PLA2G4C: variants seen among roughly 807,000 people sequenced by gnomAD.
PLA2G4C encodes the protein phospholipase A2 group IVC.
In PLA2G4C, 64 loss-of-function variants were observed where a neutral mutation model predicts 73.8. That is an observed-to-expected ratio of 0.87 (90% CI 0.71 to 1.07). The LOEUF (loss-of-function observed/expected upper bound fraction) is 1.07. Ranked by LOEUF, PLA2G4C falls within the 50% of genes least tolerant of loss-of-function variation. The pLI, the probability that PLA2G4C is intolerant of heterozygous loss-of-function variation, is 0.00. For synonymous variants in PLA2G4C, 254 were observed against 252.1 expected (o/e 1.01, Z -0.07); for missense variants, 622 against 665.4 (o/e 0.93, Z 0.72).
chr19:48,087,936 CAAAAA>C (rs75679224), intron 9 of PLA2G4C, among the ~76,000 whole-genome samples: 1 of 123,790 alleles, frequency 8.1e-6, no homozygotes, highest in Admixed American at 8.8e-5. Context: ...AACTCTGTCT[CAAAAA>C]AAAAAAAAAA....
At chr19:48,058,001 CAAA>C (rs5828331) in intron 14 of PLA2G4C, among the ~76,000 whole-genome samples, 1 of 149,308 alleles carries the variant, frequency 6.7e-6, no homozygotes, top group African/African-American at 2.4e-5. Context: ...CCCAGCTAAT[CAAA>C]AAAAATTTTT....
Position 48,051,316 on chromosome 19 carries a change from G to C in PLA2G4C, c.1580+1681C>G, listed in dbSNP as rs183730699. Among the ~76,000 whole-genome samples, 277 of 152,300 alleles carry C rather than the reference G, an allele frequency of 1.8e-3. 3 individuals carry two copies. Among genetic ancestry groups the C allele is most frequent in the South Asian group, 7.7e-3 (37 of 4,828 alleles). On this transcript the variant is annotated intron_variant, in intron 16 of 16. Coordinates refer to ENST00000599921, the MANE Select transcript of PLA2G4C (RefSeq NM_003706.3). The stretch of plus-strand genomic sequence containing the variant: ...ATTTCTGACTTCTAGAACTGTATGA[G>C]TCCATTCTCACACTGCGATAAAGAC...
chr19:48,057,471 C>CTTTTTTTTTTT (rs1568422832), intron 14 of PLA2G4C, among the ~76,000 whole-genome samples: 1 of 16,168 alleles, frequency 6.2e-5, no homozygotes, highest in Non-Finnish European at 1.1e-4. Flanking sequence ...TCTTCTTCTT[C>CTTTTTTTTTTT]TTCTTCTTCT....
At chr19:48,108,497 A>T (rs946072280) in intron 1 of PLA2G4C, among the ~76,000 whole-genome samples, 1 of 152,196 alleles carries the variant, frequency 6.6e-6, no homozygotes, top group African/African-American at 2.4e-5. Context: ...TGGGGAAGTT[A>T]TAAATCATGC....
intron 9 of PLA2G4C, among the ~76,000 whole-genome samples, chr19:48,085,848 C>T (rs1340827653): frequency 2.6e-5 from 4 of 152,134 alleles, no homozygotes; most frequent in Non-Finnish European, 5.9e-5. Context: ...AGGCCTTAAC[C>T]CTATTCAGTG....
intron 6 of PLA2G4C, 152 bp from the exon 7 acceptor site, chr19:48,095,756 T>A: frequency 1.3e-6 from 1 of 797,618 alleles, no homozygotes; most frequent in Non-Finnish European, 2.1e-6. Flanking sequence ...ACTGGGGATC[T>A]CATCCTCAGA....
At chr19:48,061,288 A>G (rs919330) in intron 14 of PLA2G4C, 128,196 of 150,462 alleles carry the variant, frequency 0.85, 54,803 homozygotes, top group African/African-American at 0.93. Context: ...GGGGAGGGGA[A>G]GGGAGGGGAG....
At chr19:48,096,527 G>C (rs904586771) in intron 6 of PLA2G4C, among the ~76,000 whole-genome samples, 5 of 152,116 alleles carry the variant, frequency 3.3e-5, no homozygotes, top group African/African-American at 7.2e-5. Flanking sequence ...AGGTTGCAGT[G>C]AGCCGAGATC....
chr19:48,109,704 C>T (rs944646864), intron 1 of PLA2G4C, among the ~76,000 whole-genome samples: 10 of 152,014 alleles, frequency 6.6e-5, no homozygotes, highest in Admixed American at 3.3e-4. Context: ...GGCTGGAGTG[C>T]AGTGGCGCAG....
chr19:48,090,219 A>G (rs2031218846), intron 8 of PLA2G4C, 145 bp downstream of exon 8: 1 of 679,256 alleles, frequency 1.5e-6, no homozygotes, highest in Non-Finnish European at 2.6e-6. Flanking sequence ...TGGCTGCCCA[A>G]TTATATGAGA....
intron 8 of PLA2G4C, among the ~76,000 whole-genome samples, chr19:48,088,969 C>A (rs1485682217): frequency 6.6e-6 from 1 of 152,184 alleles, no homozygotes; most frequent in African/African-American, 2.4e-5. Flanking sequence ...CACTACATAT[C>A]AGGAATTTTG....
At chr19:48,084,983 A>G in intron 10 of PLA2G4C, 76 bp downstream of exon 10, 1 of 1,045,070 alleles carries the variant, frequency 9.6e-7, no homozygotes, top group Non-Finnish European at 1.5e-6. Flanking sequence ...TTTCTGCCAC[A>G]TGCAGGAAAA....
intron 14 of PLA2G4C, among the ~76,000 whole-genome samples, chr19:48,056,605 G>C (rs1967951311): frequency 6.6e-6 from 1 of 151,558 alleles, no homozygotes; most frequent in Non-Finnish European, 1.5e-5. Context: ...GGCTGAGGTG[G>C]GTGGATCACG....
chr19:48,087,939 A>C (rs1360277967), intron 9 of PLA2G4C, among the ~76,000 whole-genome samples: 1 of 147,428 alleles, frequency 6.8e-6, no homozygotes, highest in Non-Finnish European at 1.5e-5. Flanking sequence ...TCTGTCTCAA[A>C]AAAAAAAAAA....
Position 48,099,852 on chromosome 19 carries a change from G to C in PLA2G4C, c.266C>G (p.Ser89Cys). Residue 89 changes from serine (S) to cysteine (C), a missense_variant, in exon 5 of 17, where the codon TCT becomes TGT. Transcript: ENST00000599921. ...AGVSGSTWAI[S>C]SLYTNDGDME... is the part of the protein sequence containing the mutation. Reference sequence around the variant, plus strand: ...GTCACCATCATTGGTGTAGAGAGAAGATATTGCCCTGGAGGACAGAGGAAG... The same window carrying C: ...GTCACCATCATTGGTGTAGAGAGAACATATTGCCCTGGAGGACAGAGGAAG... 3 of 1,611,510 alleles carry C rather than the reference G, an allele frequency of 1.9e-6. No individual in the cohort carries two copies. The highest frequency in any genetic ancestry group is 2.5e-6 in the Non-Finnish European group (3 of 1,178,018).
At chr19:48,078,329 T>C (rs1039418098) in intron 10 of PLA2G4C, among the ~76,000 whole-genome samples, 28 of 152,138 alleles carry the variant, frequency 1.8e-4, no homozygotes, top group African/African-American at 6.5e-4. Context: ...CCCACTCTTA[T>C]CACTTGTATT....
At position 48,110,682 on chromosome 19, in the gene PLA2G4C, T is replaced by G; in HGVS notation, c.-228A>C. On this transcript the variant is annotated 5_prime_UTR_variant, in exon 1 of 17. Transcript: ENST00000599921. Reference sequence around the variant, plus strand: ...TCCTCCTGCTTTCCTTTTCCCCCTGTGGGAGGAGGTCGCGGGCTGGAGGTG... The same window carrying G: ...TCCTCCTGCTTTCCTTTTCCCCCTGGGGGAGGAGGTCGCGGGCTGGAGGTG... 2.0e-6 allele frequency: 1 copy of G among 496,746 alleles called. No homozygotes were observed. The highest frequency in any genetic ancestry group is 3.3e-6 in the Non-Finnish European group (1 of 299,484). The allele number at this position is 496,746 out of a possible 1,614,324, so 30.8% of individuals were successfully genotyped here.
rs145127438 is a variant in PLA2G4C at position 48,058,796 on chromosome 19, C to T, written c.1257+3202G>A. Among the ~76,000 whole-genome samples the T allele has an allele frequency of 3.2e-3, 470 of 147,828 alleles. 4 individuals carry two copies. Among genetic ancestry groups the T allele is most frequent in the African/African-American group, 0.011 (441 of 40,044 alleles). On this transcript the variant is annotated intron_variant, in intron 14 of 16. Coordinates refer to ENST00000599921, the MANE Select transcript of PLA2G4C (RefSeq NM_003706.3). Reference sequence around the variant, plus strand: ...TCGCACCACAGCACACCAGCCTGGGCGACACAGAAGACTCCATCTCAAAAA... The same window carrying T: ...TCGCACCACAGCACACCAGCCTGGGTGACACAGAAGACTCCATCTCAAAAA...
chr19:48,098,081 T>C, intron 6 of PLA2G4C, 58 bp downstream of exon 6: 1 of 1,571,296 alleles, frequency 6.4e-7, no homozygotes, highest in Non-Finnish European at 8.7e-7. Flanking sequence ...ATTCTTCCAT[T>C]CCACTCCGTG....
Sources: gnomAD v4.1 joint callset for allele counts (sites outside exome capture counted in the v4.1 genomes callset) on GRCh38, gnomAD v4.1.1 for gene constraint, MANE v1.5 for transcripts, NCBI Gene and HGNC (gene_info 2026-07-23, HGNC 2026-07-21) for gene names.